MTIF3: variants seen among roughly 807,000 people sequenced by gnomAD.
MTIF3 encodes translation initiation factor IF-3, mitochondrial.
A neutral mutation model predicts 20.7 loss-of-function variants in MTIF3; 13 were observed. That is an observed-to-expected ratio of 0.63 (90% CI 0.41 to 1.00). The LOEUF is 1.00. MTIF3 is among the 50% of genes least tolerant of loss of function. The pLI is 0.00. For synonymous variants in MTIF3, 114 were observed against 112.5 expected (o/e 1.01, Z -0.08); for missense variants, 295 against 324.5 (o/e 0.91, Z 0.70).
At position 27,437,254 on chromosome 13, in the gene MTIF3, T is replaced by A. The variant is rs1453844741; in HGVS notation, c.480A>T (p.Glu160Asp). The change falls in exon 4 of 5, where the codon GAA becomes GAT. Residue 160 changes from glutamate to aspartate, a missense_variant. By Grantham distance (45) the Glu-to-Asp change is conservative (BLOSUM62 2). Transcript: ENST00000381120. ...NPKTGPTLRKELILSSNIGQH... is the reference protein window; with the variant it reads ...NPKTGPTLRKDLILSSNIGQH... ...GTCCAATATTTGAAGACAAAATCAG[T>A]TCCTTTCTCAGGGTTGGTCCTGGTT... 2 of 1,613,562 alleles carry A rather than the reference T, an allele frequency of 1.2e-6. No individual in the cohort carries two copies. The highest frequency in any genetic ancestry group is 2.7e-5 in the African/African-American group (2 of 74,896).
At chr13:27,443,408 A>G (rs1346726478) in intron 2 of MTIF3, among the ~76,000 whole-genome samples, 2 of 152,226 alleles carry the variant, frequency 1.3e-5, no homozygotes, top group African/African-American at 4.8e-5. Flanking sequence ...TCCAGTCCCA[A>G]ATGTCACTAG....
chr13:27,439,963 C>A, intron 3 of MTIF3, 26 bp downstream of exon 3: 1 of 1,599,156 alleles, frequency 6.3e-7, no homozygotes, highest in South Asian at 1.1e-5. Context: ...TTAAAGGATT[C>A]AGGGAGCCAA....
chr13:27,440,907 A>G (rs1328696375), intron 2 of MTIF3: 1 of 171,484 alleles, frequency 5.8e-6, no homozygotes, highest in Non-Finnish European at 1.3e-5. Flanking sequence ...GCAGTTGATT[A>G]ACACATATTT....
intron 1 of MTIF3, among the ~76,000 whole-genome samples, chr13:27,447,610 T>C (rs527791318): frequency 6.6e-6 from 1 of 152,332 alleles, no homozygotes; most frequent in East Asian, 1.9e-4. Flanking sequence ...GACAAGTGCA[T>C]ATACCTTTGT....
At chr13:27,448,031 G>A (rs1954236459) in intron 1 of MTIF3, among the ~76,000 whole-genome samples, 2 of 150,988 alleles carry the variant, frequency 1.3e-5, no homozygotes, top group Admixed American at 1.3e-4. Flanking sequence ...AAGGACAGCT[G>A]TATTCCCTGT....
chr13:27,442,519 A>G (rs1954040693), intron 2 of MTIF3, among the ~76,000 whole-genome samples: 1 of 152,180 alleles, frequency 6.6e-6, no homozygotes, highest in Non-Finnish European at 1.5e-5. Context: ...TCCCCTGGCT[A>G]GTATCTCACT....
intron 3 of MTIF3, among the ~76,000 whole-genome samples, chr13:27,438,320 CAAAAA>C (rs36016925): frequency 0.041 from 2,266 of 54,808 alleles, 67 homozygotes; most frequent in African/African-American, 0.16. Context: ...CCCATCTCTA[CAAAAA>C]AAAAAAAAAA....
chr13:27,440,724 C>CTTT (rs55860722), intron 2 of MTIF3, among the ~76,000 whole-genome samples: 2 of 147,690 alleles, frequency 1.4e-5, no homozygotes, highest in Non-Finnish European at 1.5e-5. Flanking sequence ...TTTGGTTTCA[C>CTTT]TTTTTTTTTT....
intron 1 of MTIF3, among the ~76,000 whole-genome samples, chr13:27,447,114 C>T (rs74043906): frequency 2.0e-5 from 3 of 147,898 alleles, no homozygotes; most frequent in African/African-American, 7.5e-5. Flanking sequence ...TCAGAAACCA[C>T]GGCCTGTCGG....
Position 27,435,745 on chromosome 13 carries a change from T to G in MTIF3, c.767A>C (p.Glu256Ala). ...GTTCAAAGTGTCTCTTTCCTGGGTCTCTTGAGTTTCTTTATATGCCTTCTC... is the reference window on the plus strand; with the variant it reads ...GTTCAAAGTGTCTCTTTCCTGGGTCGCTTGAGTTTCTTTATATGCCTTCTC... ...NEEKAYKETQ[E>A]TQERDTLNKD... The change falls in exon 5 of 5, where the codon GAG (glutamate) becomes GCG (alanine). Residue 256 changes from glutamate to alanine, a missense_variant. Transcript: ENST00000381120. 6.2e-7 allele frequency: 1 copy of G among 1,614,188 alleles called. No individual in the cohort carries two copies.
chr13:27,446,640 A>G (rs1275608048), intron 1 of MTIF3, among the ~76,000 whole-genome samples: 4 of 152,248 alleles, frequency 2.6e-5, no homozygotes, highest in Non-Finnish European at 2.9e-5. Flanking sequence ...CTGTAATTTA[A>G]TACATTGACA....
chr13:27,443,915 T>TA (rs368738287), intron 2 of MTIF3, among the ~76,000 whole-genome samples: 1 of 152,174 alleles, frequency 6.6e-6, no homozygotes, highest in Non-Finnish European at 1.5e-5. Flanking sequence ...ATTTACAAAA[T>TA]AAAGACTATT....
chr13:27,440,145 G>C lies in MTIF3; in HGVS notation c.304C>G (p.Arg102Gly). The change falls in exon 3 of 5, where the codon CGA (arginine) becomes GGA (glycine). Residue 102 changes from arginine to glycine, a missense_variant. Arg to Gly is a moderately radical substitution (Grantham distance 125). Coordinates refer to ENST00000381120, the MANE Select transcript of MTIF3 (RefSeq NM_152912.5). ...EKGNDLGNMHRANVIRLMDER... is the reference protein window; with the variant it reads ...EKGNDLGNMHGANVIRLMDER... ...TCCATAAGTCTAATCACATTTGCTCGGTGCATGTTTCCCAAATCATTGCCC... is the reference window on the plus strand; with the variant it reads ...TCCATAAGTCTAATCACATTTGCTCCGTGCATGTTTCCCAAATCATTGCCC... The C allele has an allele frequency of 6.2e-7, 1 of 1,614,138 alleles. No individual in the cohort carries two copies. Among genetic ancestry groups the C allele is most frequent in the Non-Finnish European group, 8.5e-7 (1 of 1,180,034 alleles).
intron 1 of MTIF3, among the ~76,000 whole-genome samples, chr13:27,447,695 A>G (rs1954226130): frequency 6.7e-6 from 1 of 148,862 alleles, no homozygotes; most frequent in Non-Finnish European, 1.5e-5. Flanking sequence ...GTCAATCTCC[A>G]TCCCCAAGAG....
At chr13:27,442,491 C>T (rs1435704674) in intron 2 of MTIF3, among the ~76,000 whole-genome samples, 1 of 152,210 alleles carries the variant, frequency 6.6e-6, no homozygotes, top group East Asian at 1.9e-4. Flanking sequence ...AGATCACGTT[C>T]CTCCTCTGCC....
intron 2 of MTIF3, 27 bp from the exon 3 acceptor site, chr13:27,440,476 T>C (rs1333715566): frequency 6.6e-7 from 1 of 1,516,798 alleles, no homozygotes; most frequent in South Asian, 1.2e-5. Flanking sequence ...AAGAGTTCAT[T>C]AAAATTCAAT....
intron 1 of MTIF3, among the ~76,000 whole-genome samples, chr13:27,447,460 C>A (rs1426731062): frequency 6.6e-6 from 1 of 152,142 alleles, no homozygotes; most frequent in African/African-American, 2.4e-5. Flanking sequence ...TTGCTGCACT[C>A]ACTCCCACAA....
chr13:27,441,878 G>A (rs75313282), intron 2 of MTIF3, among the ~76,000 whole-genome samples: 3,643 of 152,280 alleles, frequency 0.024, 72 homozygotes, highest in Admixed American at 0.063. Flanking sequence ...TGAGCCCACT[G>A]GGCTGTACAA....
In MTIF3 at chr13:27,435,861, C is replaced by T; in HGVS notation, c.651G>A (p.Met217Ile). Residue 217 changes from methionine (M) to isoleucine (I), a missense_variant, in exon 5 of 5, where the codon ATG becomes ATA. Coordinates refer to ENST00000381120, the MANE Select transcript of MTIF3 (RefSeq NM_152912.5). ...TAGATGAGAATGTAGCTATTCCAGG[C>T]ATAGTCTGGAGTATTTGATGAAATA... is the stretch of plus-strand genomic sequence containing the variant. Reference protein sequence around the residue: ...EEIFHQILQTMPGIATFSSRP... With the variant: ...EEIFHQILQTIPGIATFSSRP... The T allele has an allele frequency of 2.5e-6, 4 of 1,613,678 alleles. No homozygotes were observed. The highest frequency in any genetic ancestry group is 3.4e-6 in the Non-Finnish European group (4 of 1,179,946).
Sources: gnomAD v4.1 joint callset for allele counts (sites outside exome capture counted in the v4.1 genomes callset) on GRCh38, gnomAD v4.1.1 for gene constraint, MANE v1.5 for transcripts, NCBI Gene and HGNC (gene_info 2026-07-23, HGNC 2026-07-21) for gene names.